The following CCN1 variants were observed in gnomAD, a reference collection of about 807,000 sequenced individuals.
The protein encoded by CCN1 is CCN family member 1.
Under a neutral mutation model 38.1 loss-of-function variants are expected in CCN1, and 12 were observed. The ratio of observed to expected loss-of-function variants is 0.31; its 90% CI spans 0.20 to 0.51. The LOEUF is 0.51. Among genes scored for constraint, CCN1 ranks in the 20% least tolerant of loss-of-function variants. The pLI, the probability that CCN1 is intolerant of heterozygous loss-of-function variation, is 0.97. For missense variants in CCN1, 466 were observed against 490.9 expected (o/e 0.95, Z 0.48); for synonymous variants, 202 against 196.1 (o/e 1.03, Z -0.25).
Position 85,581,456 on chromosome 1 carries a change from G to C in CCN1, c.155G>C (p.Cys52Ser), listed in dbSNP as rs1430483490. Residue 52 changes from cysteine (C) to serine (S), a missense_variant, in exon 2 of 5, where the codon TGC becomes TCC. Cys to Ser is a moderately radical substitution (Grantham distance 112). Around this residue, in one of 3 missense-constraint regions of CCN1, gnomAD observed 146 missense variants for 141.1 expected, o/e 1.03. Transcript: ENST00000451137. ...GGGCTGGTCCGGGACGGCTGCGGCT[G>C]CTGTAAGGTCTGCGCCAAGCAGCTC... ...GVGLVRDGCG[C>S]CKVCAKQLNE... The C allele has an allele frequency of 6.8e-6, 11 of 1,611,590 alleles. No homozygotes were observed.
In CCN1 at chr1:85,582,526, A is replaced by T. The variant is rs1659812996; in HGVS notation, c.745A>T (p.Thr249Ser). Residue 249 changes from threonine to serine, a missense_variant, in exon 4 of 5, where the codon ACA becomes TCA. Physicochemically the swap from Thr to Ser is moderately conservative, Grantham distance 58 (BLOSUM62 1). Coordinates refer to ENST00000451137, the MANE Select transcript of CCN1 (RefSeq NM_001554.5). Reference sequence around the variant, plus strand: ...AAAGACCTGTGGAACTGGTATCTCCACACGAGTTACCAATGACAACCCTGA... The same window carrying T: ...AAAGACCTGTGGAACTGGTATCTCCTCACGAGTTACCAATGACAACCCTGA... ...CSKTCGTGIS[T>S]RVTNDNPECR... 2 of 1,614,024 alleles carry T rather than the reference A, an allele frequency of 1.2e-6. No homozygotes were observed. The highest frequency in any genetic ancestry group is 2.7e-5 in the African/African-American group (2 of 74,906).
chr1:85,581,459 G>C lies in CCN1; in HGVS notation c.158G>C (p.Cys53Ser), dbSNP rs1659790537. ...CTGGTCCGGGACGGCTGCGGCTGCTGTAAGGTCTGCGCCAAGCAGCTCAAC... is the reference window on the plus strand; with the variant it reads ...CTGGTCCGGGACGGCTGCGGCTGCTCTAAGGTCTGCGCCAAGCAGCTCAAC... ...VGLVRDGCGC[C>S]KVCAKQLNED... Residue 53 changes from cysteine (C) to serine (S), a missense_variant, in exon 2 of 5, where the codon TGT becomes TCT. Transcript: ENST00000451137. 4 of 1,611,776 alleles carry C rather than the reference G, an allele frequency of 2.5e-6. No individual in the cohort carries two copies. The highest frequency in any genetic ancestry group is 2.7e-5 in the African/African-American group (2 of 74,900).
In CCN1 at chr1:85,581,454, C is replaced by T; in HGVS notation, c.153C>T (p.Gly51=). ...TCGGGCTGGTCCGGGACGGCTGCGG[C>T]TGCTGTAAGGTCTGCGCCAAGCAGC... is the stretch of plus-strand genomic sequence containing the variant. ...PGVGLVRDGC[G]CCKVCAKQLN... is the part of the protein sequence containing the mutation. The change falls in exon 2 of 5, where the codon GGC becomes GGT. Residue 51 remains glycine (G), a synonymous_variant. Transcript: ENST00000451137. 6.2e-7 allele frequency: 1 copy of T among 1,611,474 alleles called. No individual in the cohort carries two copies. The highest frequency in any genetic ancestry group is 8.5e-7 in the Non-Finnish European group (1 of 1,179,316).
chr1:85,581,712 T>C (rs1223897345), intron 2 of CCN1, 134 bp downstream of exon 2: 2 of 1,220,444 alleles, frequency 1.6e-6, no homozygotes, highest in African/African-American at 3.0e-5. Flanking sequence ...ATTTCAGCAG[T>C]CTGGAATGCA....
chr1:85,581,397 C>A lies in CCN1; in HGVS notation c.96C>A (p.Cys32Ter). The change falls in exon 2 of 5, where the codon TGC (cysteine) becomes TGA (stop). Residue 32 changes from cysteine to a stop codon, truncating the protein, a stop_gained. Transcript: ENST00000451137. LOFTEE classifies it high-confidence loss of function. ...CCACCTGCCCCGCTGCCTGCCACTG[C>A]CCCCTGGAGGCGCCCAAGTGCGCGC... ...ALSTCPAACH[C>*]PLEAPKCAPG... The A allele has an allele frequency of 6.2e-7, 1 of 1,603,004 alleles. No individual in the cohort carries two copies. Among genetic ancestry groups the A allele is most frequent in the Non-Finnish European group, 8.5e-7 (1 of 1,175,662 alleles).
At chr1:85,581,304 A>T in intron 1 of CCN1, 61 bp from the exon 2 acceptor site, 1 of 1,476,022 alleles carries the variant, frequency 6.8e-7, no homozygotes, top group Non-Finnish European at 9.0e-7. Context: ...TCACTGCGGC[A>T]GCCGCGGCGC....
At chr1:85,581,758 G>T in intron 2 of CCN1, 170 bp from the exon 3 acceptor site, 1 of 1,095,812 alleles carries the variant, frequency 9.1e-7, no homozygotes, top group Non-Finnish European at 1.4e-6. Context: ...AGCGCATACG[G>T]AAAAGTGATT....
At chr1:85,581,263 C>T (rs1659784851) in intron 1 of CCN1, 102 bp from the exon 2 acceptor site, 2 of 1,304,702 alleles carry the variant, frequency 1.5e-6, no homozygotes, top group Non-Finnish European at 2.1e-6. Flanking sequence ...ATCAGAGGCT[C>T]CCCGTCGATA....
chr1:85,580,867 GC>G lies in CCN1; in HGVS notation c.-115del. 1.0e-6 allele frequency: 1 copy of G among 958,948 alleles called. No individual in the cohort carries two copies. Among genetic ancestry groups the G allele is most frequent in the Non-Finnish European group, 1.4e-6 (1 of 716,740 alleles). The allele number at this position is 958,948 out of a possible 1,614,324, so 59.4% of individuals were successfully genotyped here. A position where few individuals can be genotyped will look rare whatever the true frequency, so the allele number is the denominator to read the frequency against. ...CCCGCCGCCCAGCCCTCGCCTCCCT[GC>G]CCACCGGGCCCACCGCGCCGCCACC... On this transcript the variant is annotated 5_prime_UTR_variant, in exon 1 of 5. Coordinates refer to ENST00000451137, the MANE Select transcript of CCN1 (RefSeq NM_001554.5).
chr1:85,582,873 A>C lies in CCN1; in HGVS notation c.977A>C (p.Gln326Pro). 6.2e-7 allele frequency: 1 copy of C among 1,614,212 alleles called. No individual in the cohort carries two copies. Among genetic ancestry groups the C allele is most frequent in the East Asian group, 2.2e-5 (1 of 44,886 alleles). Residue 326 changes from glutamine (Q) to proline (P), a missense_variant, in exon 5 of 5, where the codon CAG (glutamine) becomes CCG (proline). Gln to Pro is a moderately conservative substitution (Grantham distance 76, BLOSUM62 -1). This residue lies in a region of CCN1 where 309 missense variants were observed against 319.9 expected (regional missense o/e 0.97). Coordinates refer to ENST00000451137, the MANE Select transcript of CCN1 (RefSeq NM_001554.5). ...GTGGACGGCCGATGCTGCACGCCCC[A>C]GCTGACCAGGACTGTGAAGATGCGG... is the stretch of plus-strand genomic sequence containing the variant. Reference protein sequence around the residue: ...SCVDGRCCTPQLTRTVKMRFR... With the variant: ...SCVDGRCCTPPLTRTVKMRFR...
chr1:85,582,448 C>G lies in CCN1; in HGVS notation c.667C>G (p.Pro223Ala). 6.2e-7 allele frequency: 1 copy of G among 1,614,166 alleles called. No homozygotes were observed. ...AATGGAGCCTCGCATCCTATACAACCCTTTACAAGGCCAGAAATGTATTGT... is the reference window on the plus strand; with the variant it reads ...AATGGAGCCTCGCATCCTATACAACGCTTTACAAGGCCAGAAATGTATTGT... ...FGMEPRILYN[P>A]LQGQKCIVQT... The change falls in exon 4 of 5, where the codon CCT (proline) becomes GCT (alanine). Residue 223 changes from proline (P) to alanine (A), a missense_variant. Physicochemically the swap from Pro to Ala is conservative, Grantham distance 27 (BLOSUM62 -1). Coordinates refer to ENST00000451137, the MANE Select transcript of CCN1 (RefSeq NM_001554.5).
chr1:85,581,458 T>C lies in CCN1; in HGVS notation c.157T>C (p.Cys53Arg), dbSNP rs770351633. 7.4e-6 allele frequency: 12 copies of C among 1,611,938 alleles called. No homozygotes were observed. Among genetic ancestry groups the C allele is most frequent in the Non-Finnish European group, 1.0e-5 (12 of 1,179,504 alleles). ...VGLVRDGCGC[C>R]KVCAKQLNED... is the part of the protein sequence containing the mutation. Reference sequence around the variant, plus strand: ...GCTGGTCCGGGACGGCTGCGGCTGCTGTAAGGTCTGCGCCAAGCAGCTCAA... The same window carrying C: ...GCTGGTCCGGGACGGCTGCGGCTGCCGTAAGGTCTGCGCCAAGCAGCTCAA... The change falls in exon 2 of 5, where the codon TGT becomes CGT. Residue 53 changes from cysteine (C) to arginine (R), a missense_variant. Physicochemically the swap from Cys to Arg is radical, Grantham distance 180 (BLOSUM62 -3). Around this residue, in one of 3 missense-constraint regions of CCN1, gnomAD observed 146 missense variants for 141.1 expected, o/e 1.03. Coordinates refer to ENST00000451137, the MANE Select transcript of CCN1 (RefSeq NM_001554.5).
In CCN1 at chr1:85,581,342, C is replaced by A. The variant is rs1483283268; in HGVS notation, c.64-23C>A. On this transcript the variant is annotated intron_variant, in intron 1 of 4. Transcript: ENST00000451137. ...CTCCTGCGCACCGCGCCGAGTCTCA[C>A]GCGTATCTTCTCCCCCTTCCAGGCG... 2.6e-6 allele frequency: 4 copies of A among 1,548,848 alleles called. No individual in the cohort carries two copies. In the African/African-American group the frequency reaches 5.5e-5, roughly 21 times the overall value.
In CCN1 at chr1:85,582,196, G is replaced by GCCC. The variant is rs750695132; in HGVS notation, c.547_548insCCC (p.Glu182_Leu183insPro). ...ACCAGGACGGCCTCCTTGGCAAGGA[G>GCCC]CTGGGATTCGATGCCTCCGAGGTGG... On this transcript the variant is annotated inframe_insertion, in exon 3 of 5. Transcript: ENST00000451137. 21 of 1,614,212 alleles carry GCCC rather than the reference G, an allele frequency of 1.3e-5. No individual in the cohort carries two copies. The African/African-American group carries it at 2.1e-4, about 16-fold the overall frequency.
Position 85,582,637 on chromosome 1 carries a change from A to T in CCN1, c.843+13A>T, listed in dbSNP as rs1160259960. The T allele has an allele frequency of 6.2e-7, 1 of 1,614,182 alleles. No individual in the cohort carries two copies. The highest frequency in any genetic ancestry group is 1.1e-5 in the South Asian group (1 of 91,070). Reference sequence around the variant, plus strand: ...CAGCAGCCTGAAAGTAAGTTCCTTCAGGGACGTGTAGACTGTTGCCTGGCA... The same window carrying T: ...CAGCAGCCTGAAAGTAAGTTCCTTCTGGGACGTGTAGACTGTTGCCTGGCA... On this transcript the variant is annotated intron_variant, in intron 4 of 4. Transcript: ENST00000451137.
chr1:85,583,120 G>C lies in CCN1; in HGVS notation c.*78G>C. 1.4e-6 allele frequency: 2 copies of C among 1,465,074 alleles called. No individual in the cohort carries two copies. Among genetic ancestry groups the C allele is most frequent in the South Asian group, 2.5e-5 (2 of 78,848 alleles). 90.8% of individuals were successfully genotyped at this position (1,465,074 alleles called of 1,614,324 possible). A position where few individuals can be genotyped will look rare whatever the true frequency, so the allele number is the denominator to read the frequency against. On this transcript the variant is annotated 3_prime_UTR_variant, in exon 5 of 5. Transcript: ENST00000451137. ...AGAATCAGAATCATGGAGAAAATGG[G>C]CGGGGGTGGTGTGGGTGATGGGACT...
rs1659799161 is a variant in CCN1 at position 85,581,950 on chromosome 1, T to C, written c.300T>C (p.Cys100=). The C allele has an allele frequency of 4.3e-6, 7 of 1,614,078 alleles. No individual in the cohort carries two copies. The South Asian group carries it at 4.4e-5, about 10-fold the overall frequency. The change falls in exon 3 of 5, where the codon TGT becomes TGC. Residue 100 remains cysteine (C), a synonymous_variant. Coordinates refer to ENST00000451137, the MANE Select transcript of CCN1 (RefSeq NM_001554.5). ...CAGCTCAGTCAGAGGGCAGACCCTG[T>C]GAATATAACTCCAGAATCTACCAAA... The part of the protein sequence containing the change: ...ICRAQSEGRP[C]EYNSRIYQNG...
chr1:85,583,180 A>G lies in CCN1; in HGVS notation c.*138A>G. 1 of 959,194 alleles carries G rather than the reference A, an allele frequency of 1.0e-6. No individual in the cohort carries two copies. The allele number at this position is 959,194 out of a possible 1,614,324, so 59.4% of individuals were successfully genotyped here. On this transcript the variant is annotated 3_prime_UTR_variant, in exon 5 of 5. Transcript: ENST00000451137. ...AAGGAAGCCTTGCTCATTCTTGAGG[A>G]GCATTAAGGTATTTCGAAACTGCCA...
intron 1 of CCN1, 37 bp downstream of exon 1, chr1:85,581,084 C>T (rs367652118): frequency 1.1e-5 from 18 of 1,582,296 alleles, no homozygotes; most frequent in Non-Finnish European, 1.5e-5. Context: ...TATTCCCCGT[C>T]CGCTCTCCAG....
Sources: allele counts gnomAD v4.1 joint callset, GRCh38; gene constraint gnomAD v4.1.1; regional missense constraint gnomAD v4.1.1; transcripts MANE v1.5; gene names NCBI Gene and HGNC (gene_info 2026-07-23, HGNC 2026-07-21).